Variants in NIPAL2 observed in about 807,000 individuals in gnomAD.
The protein encoded by NIPAL2 is NIPA like domain containing 2.
Under a neutral mutation model 48.9 loss-of-function variants are expected in NIPAL2, and 43 were observed. The observed-to-expected ratio is 0.88, with a 90% CI of 0.69 to 1.13. NIPAL2 has a LOEUF of 1.13. NIPAL2 is among the 50% of genes most tolerant of loss of function. The pLI is 0.00. For missense variants in NIPAL2, 446 were observed against 461.4 expected (o/e 0.97, Z 0.31); for synonymous variants, 167 against 174.6 (o/e 0.96, Z 0.34).
intron 1 of NIPAL2, among the ~76,000 whole-genome samples, chr8:98,258,016 C>G (rs371430367): frequency 2.0e-5 from 3 of 152,292 alleles, no homozygotes; most frequent in African/African-American, 7.2e-5. Flanking sequence ...GGAGCTGTGC[C>G]ATAGGCCATT....
At chr8:98,196,371 G>C (rs568451568) in intron 8 of NIPAL2, among the ~76,000 whole-genome samples, 3 of 152,334 alleles carry the variant, frequency 2.0e-5, no homozygotes, top group African/African-American at 7.2e-5. Flanking sequence ...AGCCAGCCTG[G>C]CCTGAGAGTC....
intron 3 of NIPAL2, among the ~76,000 whole-genome samples, chr8:98,238,873 C>T (rs559391477): frequency 6.6e-6 from 1 of 152,230 alleles, no homozygotes; most frequent in East Asian, 1.9e-4. Context: ...TGCAAATTTT[C>T]TATTTCAGAT....
At chr8:98,227,396 C>T (rs1210513456) in intron 4 of NIPAL2, among the ~76,000 whole-genome samples, 2 of 152,176 alleles carry the variant, frequency 1.3e-5, no homozygotes, top group Non-Finnish European at 2.9e-5. Flanking sequence ...TGAGTCTCAC[C>T]CAAGGCTCAC....
chr8:98,246,715 A>G (rs985187558), intron 3 of NIPAL2, among the ~76,000 whole-genome samples: 1 of 152,142 alleles, frequency 6.6e-6, no homozygotes, highest in Non-Finnish European at 1.5e-5. Context: ...AAAAGCTGAT[A>G]TGTTCTTGCA....
At chr8:98,225,013 A>G (rs1312160558) in intron 4 of NIPAL2, among the ~76,000 whole-genome samples, 1 of 151,804 alleles carries the variant, frequency 6.6e-6, no homozygotes, top group African/African-American at 2.4e-5. Context: ...CGCCTCTGCC[A>G]CTCAAAGTTC....
At chr8:98,205,034 C>A (rs1375777564) in intron 7 of NIPAL2, 77 bp downstream of exon 7, 4 of 1,456,004 alleles carry the variant, frequency 2.7e-6, no homozygotes, top group Non-Finnish European at 3.8e-6. Flanking sequence ...TAATTATCAT[C>A]TGAAGCCAGT....
chr8:98,222,196 G>A (rs776101617), intron 5 of NIPAL2, among the ~76,000 whole-genome samples: 1 of 152,144 alleles, frequency 6.6e-6, no homozygotes, highest in Non-Finnish European at 1.5e-5. Flanking sequence ...CTTCAACTTG[G>A]AAGGGAATGT....
intron 1 of NIPAL2, among the ~76,000 whole-genome samples, chr8:98,276,269 CT>C (rs1371249454): frequency 6.6e-6 from 1 of 152,218 alleles, no homozygotes; most frequent in African/African-American, 2.4e-5. Context: ...CCCACAACCC[CT>C]AGCAACCACT....
At chr8:98,266,769 T>G (rs921686103) in intron 1 of NIPAL2, among the ~76,000 whole-genome samples, 1 of 151,722 alleles carries the variant, frequency 6.6e-6, no homozygotes, top group East Asian at 1.9e-4. Context: ...TAAAATCATG[T>G]AAATGCTAAA....
intron 3 of NIPAL2, among the ~76,000 whole-genome samples, chr8:98,246,704 A>G (rs1813324832): frequency 6.6e-6 from 1 of 152,174 alleles, no homozygotes; most frequent in African/African-American, 2.4e-5. Flanking sequence ...TTTAACTTGG[A>G]AAAAGCTGAT....
intron 3 of NIPAL2, among the ~76,000 whole-genome samples, chr8:98,237,817 C>T (rs186196991): frequency 2.3e-4 from 35 of 152,276 alleles, no homozygotes; most frequent in African/African-American, 6.7e-4. Flanking sequence ...GAGCTGATCC[C>T]GCCACCCTTA....
intron 4 of NIPAL2, among the ~76,000 whole-genome samples, chr8:98,225,941 A>G (rs1265102824): frequency 6.6e-6 from 1 of 151,776 alleles, no homozygotes; most frequent in Non-Finnish European, 1.5e-5. Flanking sequence ...ATTTTCAAAT[A>G]GCCTGTTTTC....
chr8:98,252,478 A>T lies in NIPAL2; in HGVS notation c.361T>A (p.Cys121Ser). Residue 121 changes from cysteine to serine, a missense_variant, in exon 3 of 11, where the codon TGT (cysteine) becomes AGT (serine). Coordinates refer to ENST00000430223, the MANE Select transcript of NIPAL2 (RefSeq NM_001321635.2). ...APITLIAPLG[C>S]VSVTGSAIIS... is the part of the protein sequence containing the mutation. ...AATGGCTTACCTGTAACAGACACAC[A>T]GCCTAACGGAGCGATCAGAGTAATG... 2 of 1,610,048 alleles carry T rather than the reference A, an allele frequency of 1.2e-6. No homozygotes were observed. Among genetic ancestry groups the T allele is most frequent in the Non-Finnish European group, 1.7e-6 (2 of 1,178,378 alleles).
intron 1 of NIPAL2, among the ~76,000 whole-genome samples, chr8:98,263,733 T>G (rs1378509983): frequency 3.1e-5 from 4 of 127,562 alleles, no homozygotes; most frequent in Non-Finnish European, 6.5e-5. Context: ...CTTCTGAAAC[T>G]ATTCCAATCA....
chr8:98,225,841 A>G (rs905378295), intron 4 of NIPAL2, among the ~76,000 whole-genome samples: 1 of 151,982 alleles, frequency 6.6e-6, no homozygotes, highest in African/African-American at 2.4e-5. Flanking sequence ...TAAGGCCAAT[A>G]ACTCTTAGAT....
chr8:98,220,037 G>A (rs1811772666), intron 5 of NIPAL2, among the ~76,000 whole-genome samples: 2 of 151,772 alleles, frequency 1.3e-5, no homozygotes, highest in African/African-American at 4.9e-5. Context: ...TGTAGTGTAT[G>A]AGAATTTTTT....
chr8:98,284,592 A>T (rs776247983), intron 1 of NIPAL2, among the ~76,000 whole-genome samples: 1 of 152,072 alleles, frequency 6.6e-6, no homozygotes, highest in Non-Finnish European at 1.5e-5. Flanking sequence ...TTGGACCCTC[A>T]TTGATTCACT....
At chr8:98,242,321 A>G (rs890241313) in intron 3 of NIPAL2, among the ~76,000 whole-genome samples, 1 of 151,434 alleles carries the variant, frequency 6.6e-6, no homozygotes, top group Non-Finnish European at 1.5e-5. Flanking sequence ...CTGGGACTAT[A>G]GGCAATACCG....
chr8:98,195,341 C>G (rs759574355), intron 9 of NIPAL2, among the ~76,000 whole-genome samples: 1 of 152,096 alleles, frequency 6.6e-6, no homozygotes, highest in African/African-American at 2.4e-5. Flanking sequence ...ACTACTAGAT[C>G]AAGGAGCAGC....
Sources: allele counts gnomAD v4.1 joint callset (sites outside exome capture counted in the v4.1 genomes callset), GRCh38; gene constraint gnomAD v4.1.1; transcripts MANE v1.5; gene names NCBI Gene and HGNC (gene_info 2026-07-23, HGNC 2026-07-21).